The following MTMR14 variants were observed in gnomAD, a reference collection of about 807,000 sequenced individuals.
The protein encoded by MTMR14 is phosphatidylinositol-3,5-bisphosphate 3-phosphatase MTMR14.
In MTMR14, 48 loss-of-function variants were observed where a neutral mutation model predicts 86.3. The ratio of observed to expected loss-of-function variants is 0.56; its 90% CI spans 0.44 to 0.71. The LOEUF (loss-of-function observed/expected upper bound fraction) is 0.71. Among genes scored for constraint, MTMR14 ranks in the 30% least tolerant of loss-of-function variants. The probability of loss-of-function intolerance (pLI) is 0.00; values close to 1 mark genes in which losing one functional copy is unlikely to be tolerated. For synonymous variants in MTMR14, 366 were observed against 326.1 expected (o/e 1.12, Z -1.32); for missense variants, 780 against 834.6 (o/e 0.93, Z 0.81).
At chr3:9,681,575 A>G (rs994750847) in intron 9 of MTMR14, among the ~76,000 whole-genome samples, 12 of 152,186 alleles carry the variant, frequency 7.9e-5, no homozygotes, top group African/African-American at 2.4e-4. Flanking sequence ...CAGAAAGAGT[A>G]CTCTAGGCAT....
chr3:9,697,957 C>T (rs549466623), intron 18 of MTMR14, 91 bp downstream of exon 18: 39 of 1,566,510 alleles, frequency 2.5e-5, no homozygotes, highest in Admixed American at 8.3e-5. Flanking sequence ...ATGAGGCTGG[C>T]GCTCAGGAGC....
intron 18 of MTMR14, among the ~76,000 whole-genome samples, chr3:9,698,901 G>T (rs2076365618): frequency 6.6e-6 from 1 of 152,096 alleles, no homozygotes; most frequent in Admixed American, 6.5e-5. Flanking sequence ...GGGCATGGTG[G>T]CTCACGCCTG....
Position 9,653,769 on chromosome 3 carries a change from C to T in MTMR14, c.308C>T (p.Thr103Met), listed in dbSNP as rs1043051679. 13 of 1,614,184 alleles carry T rather than the reference C, an allele frequency of 8.1e-6. No homozygotes were observed. Among genetic ancestry groups the T allele is most frequent in the Non-Finnish European group, 1.1e-5 (13 of 1,180,036 alleles). The change falls in exon 2 of 19, where the codon ACG (threonine) becomes ATG (methionine). Residue 103 changes from threonine to methionine, a missense_variant and splice_region_variant. By Grantham distance (81) the Thr-to-Met change is moderately conservative (BLOSUM62 -1). Coordinates refer to ENST00000296003, the MANE Select transcript of MTMR14 (RefSeq NM_001077525.3). ...EYESSEKEKD[T>M]FESTVQVSKL... ...GAGAGTTCTGAGAAGGAGAAAGACACGTGAGCATCATGTGACCGTAGTGTA... is the reference window on the plus strand; with the variant it reads ...GAGAGTTCTGAGAAGGAGAAAGACATGTGAGCATCATGTGACCGTAGTGTA...
rs767365455 is a variant in MTMR14, at chr3:9,684,971, C to T, written c.1127+7C>T. On this transcript the variant is annotated splice_region_variant and intron_variant, in intron 12 of 18. Coordinates refer to ENST00000296003, the MANE Select transcript of MTMR14 (RefSeq NM_001077525.3). Reference sequence around the variant, plus strand: ...ATGACTGGTTCCTCTTCGGGTAAGCCTTTGCAGGAGTTGGGTTTTGGGGCC... The same window carrying T: ...ATGACTGGTTCCTCTTCGGGTAAGCTTTTGCAGGAGTTGGGTTTTGGGGCC... 1.2e-6 allele frequency: 2 copies of T among 1,614,002 alleles called. No homozygotes were observed. Among genetic ancestry groups the T allele is most frequent in the Non-Finnish European group, 1.7e-6 (2 of 1,179,922 alleles).
chr3:9,683,434 CA>C, intron 10 of MTMR14, 190 bp downstream of exon 10: 1 of 612,836 alleles, frequency 1.6e-6, no homozygotes, highest in Non-Finnish European at 2.9e-6. Flanking sequence ...TCCATGTCCT[CA>C]AAATCCTAGA....
chr3:9,683,359 A>G lies in MTMR14; in HGVS notation c.964+115A>G, dbSNP rs979234820. 9 of 1,031,600 alleles carry G rather than the reference A, an allele frequency of 8.7e-6. No homozygotes were observed. In the Admixed American group the frequency reaches 1.5e-4, roughly 17 times the overall value. 63.9% of individuals were successfully genotyped at this position (1,031,600 alleles called of 1,614,324 possible). On this transcript the variant is annotated intron_variant, in intron 10 of 18. Coordinates refer to ENST00000296003, the MANE Select transcript of MTMR14 (RefSeq NM_001077525.3). ...GCACACCTTACTTTTGTGCTGTGGG[A>G]GAGGAATTTGGGGAGTTCCTAGAAT...
Position 9,651,433 on chromosome 3 carries a change from T to C in MTMR14, c.159+1691T>C, listed in dbSNP as rs1207396548. ...GGGTCTTTTGAGTGGCTGTAGGTCA[T>C]TGGTTTTTCTGGACCCCTCTTCCAA... is the stretch of plus-strand genomic sequence containing the variant. On this transcript the variant is annotated intron_variant, in intron 1 of 18. Coordinates refer to ENST00000296003, the MANE Select transcript of MTMR14 (RefSeq NM_001077525.3). 5.9e-5 allele frequency among the ~76,000 whole-genome samples: 9 copies of C among 152,238 alleles called. No homozygotes were observed. In the South Asian group the frequency reaches 1.5e-3, roughly 25 times the overall value.
chr3:9,653,667 A>G lies in MTMR14; in HGVS notation c.206A>G (p.Tyr69Cys), dbSNP rs1258602552. ...KRCLELFGRD[Y>C]CFSVIPNTNG... ...TGTCTGGAGCTGTTTGGCCGAGACT[A>G]CTGTTTCAGCGTGATTCCAAACACG... is the stretch of plus-strand genomic sequence containing the variant. Residue 69 changes from tyrosine (Y) to cysteine (C), a missense_variant, in exon 2 of 19, where the codon TAC becomes TGC. By Grantham distance (194) the Tyr-to-Cys change is radical. Coordinates refer to ENST00000296003, the MANE Select transcript of MTMR14 (RefSeq NM_001077525.3). 10 of 1,614,008 alleles carry G rather than the reference A, an allele frequency of 6.2e-6. No individual in the cohort carries two copies. Among genetic ancestry groups the G allele is most frequent in the Non-Finnish European group, 5.1e-6 (6 of 1,180,038 alleles).
At position 9,688,688 on chromosome 3, in the gene MTMR14, A is replaced by G; in HGVS notation, c.1236-8A>G. 6.2e-7 allele frequency: 1 copy of G among 1,614,102 alleles called. No individual in the cohort carries two copies. Among genetic ancestry groups the G allele is most frequent in the Non-Finnish European group, 8.5e-7 (1 of 1,180,008 alleles). On this transcript the variant is annotated splice_polypyrimidine_tract_variant and splice_region_variant and intron_variant, in intron 14 of 18. Transcript: ENST00000296003. ...TCTGGAATTTACTGCTCCGGCTTCC[A>G]TTTCTAGGAGGAAGAGTTTGCCAGC...
In MTMR14 at chr3:9,677,213, C is replaced by A; in HGVS notation, c.752-104C>A. 1.0e-6 allele frequency: 1 copy of A among 977,878 alleles called. No homozygotes were observed. The allele number at this position is 977,878 out of a possible 1,614,324, so 60.6% of individuals were successfully genotyped here. The stretch of plus-strand genomic sequence containing the variant: ...ACTAGCTTGGAGAAGTGTGAGTTGG[C>A]GGCCCCCTCTCCACAGCACTCAGGG... On this transcript the variant is annotated intron_variant, in intron 7 of 18. Transcript: ENST00000296003. This position sits in a 1 kb window ranked among gnomAD's most constrained non-coding sequence, Gnocchi z 4.2.
In MTMR14 at chr3:9,677,512, C is replaced by T; in HGVS notation, c.822+125C>T. Reference sequence around the variant, plus strand: ...TTGGGGAAAATAACTCCCCTTTCCTCCCTGATTGTTTCTGTCTTCCTCTCC... The same window carrying T: ...TTGGGGAAAATAACTCCCCTTTCCTTCCTGATTGTTTCTGTCTTCCTCTCC... On this transcript the variant is annotated intron_variant, in intron 8 of 18. Coordinates refer to ENST00000296003, the MANE Select transcript of MTMR14 (RefSeq NM_001077525.3). The surrounding 1 kb of genome is among the most constrained non-coding windows in gnomAD (Gnocchi z 4.2). The T allele has an allele frequency of 1.2e-6, 1 of 811,466 alleles. No individual in the cohort carries two copies. The highest frequency in any genetic ancestry group is 1.9e-5 in the Admixed American group (1 of 51,942). The allele number at this position is 811,466 out of a possible 1,614,324, so 50.3% of individuals were successfully genotyped here.
Position 9,701,644 on chromosome 3 carries a change from A to G in MTMR14, c.1770-146A>G. On this transcript the variant is annotated intron_variant, in intron 18 of 18. Coordinates refer to ENST00000296003, the MANE Select transcript of MTMR14 (RefSeq NM_001077525.3). The surrounding 1 kb of genome is among the most constrained non-coding windows in gnomAD (Gnocchi z 4.2). ...GGGCCAGATATTTGGGGCCTGAACC[A>G]CAAGGATAGCATGGCCGTAGGACAG... 3 of 972,394 alleles carry G rather than the reference A, an allele frequency of 3.1e-6. No individual in the cohort carries two copies. The highest frequency in any genetic ancestry group is 4.8e-6 in the Non-Finnish European group (3 of 630,064). The allele number at this position is 972,394 out of a possible 1,614,324, so 60.2% of individuals were successfully genotyped here.
chr3:9,680,919 TCTC>T (rs1268373403), intron 9 of MTMR14, among the ~76,000 whole-genome samples: 1 of 152,200 alleles, frequency 6.6e-6, no homozygotes, highest in Non-Finnish European at 1.5e-5. Flanking sequence ...GAAACACGTG[TCTC>T]CTTTCTCTGT....
intron 17 of MTMR14, among the ~76,000 whole-genome samples, chr3:9,696,646 G>A (rs868376478): frequency 2.0e-4 from 30 of 152,196 alleles, no homozygotes; most frequent in South Asian, 4.1e-4. Flanking sequence ...GCAGCTGCTT[G>A]GGGATAAGAC....
rs1343256124 is a variant in MTMR14, at chr3:9,702,128, C to G, written c.*155C>G. The G allele has an allele frequency of 1.5e-5, 15 of 986,486 alleles. No homozygotes were observed. Among genetic ancestry groups the G allele is most frequent in the Non-Finnish European group, 2.2e-5 (14 of 649,016 alleles). The allele number at this position is 986,486 out of a possible 1,614,324, so 61.1% of individuals were successfully genotyped here. A position where few individuals can be genotyped will look rare whatever the true frequency, so the allele number is the denominator to read the frequency against. On this transcript the variant is annotated 3_prime_UTR_variant, in exon 19 of 19. Coordinates refer to ENST00000296003, the MANE Select transcript of MTMR14 (RefSeq NM_001077525.3). ...ATGGCAGCCCCAAAGCTGAGCAAGG[C>G]CAAAGACAGGGTTTTCCAACCCCCA...
At chr3:9,685,633 C>T (rs1470081608) in intron 13 of MTMR14, among the ~76,000 whole-genome samples, 1 of 152,192 alleles carries the variant, frequency 6.6e-6, no homozygotes, top group African/African-American at 2.4e-5. Context: ...CTTCCCCACC[C>T]TCCCGTCACA....
intron 1 of MTMR14, chr3:9,650,219 C>T (rs544048248): frequency 1.8e-4 from 75 of 426,522 alleles, no homozygotes; most frequent in South Asian, 1.2e-3. Context: ...TTAGGCCCAT[C>T]CCTTTCCTTC....
chr3:9,663,467 T>C (rs2048054521), intron 3 of MTMR14, among the ~76,000 whole-genome samples: 1 of 150,820 alleles, frequency 6.6e-6, no homozygotes, highest in Admixed American at 6.6e-5. Context: ...CGAAAGTTAT[T>C]GCAACTTTTT....
rs1468511502 is a variant in MTMR14 at position 9,684,825 on chromosome 3, G to A, written c.1051-63G>A. 5.7e-6 allele frequency: 9 copies of A among 1,589,118 alleles called. No homozygotes were observed. The East Asian group carries it at 2.0e-4, about 36-fold the overall frequency. Reference sequence around the variant, plus strand: ...TCAGCCTGCGTTGTCACTGGGTCTGGTTATGGTTCAGCTCCTGGGGATGAG... The same window carrying A: ...TCAGCCTGCGTTGTCACTGGGTCTGATTATGGTTCAGCTCCTGGGGATGAG... On this transcript the variant is annotated intron_variant, in intron 11 of 18. Transcript: ENST00000296003.
Sources: allele counts gnomAD v4.1 joint callset (sites outside exome capture counted in the v4.1 genomes callset), GRCh38; gene constraint gnomAD v4.1.1; non-coding constraint Gnocchi (gnomAD v3.1); transcripts MANE v1.5; gene names NCBI Gene and HGNC (gene_info 2026-07-23, HGNC 2026-07-21).